The following ATE1 variants were observed in gnomAD, a reference collection of about 807,000 sequenced individuals.
ATE1 encodes the protein arginyltransferase 1, also known as arginyl-tRNA--protein transferase 1.
ATE1 carries 36 observed loss-of-function variants against 70.5 expected under a neutral mutation model. The ratio of observed to expected loss-of-function variants is 0.51; its 90% CI spans 0.39 to 0.67. ATE1 has a LOEUF of 0.67. Among genes scored for constraint, ATE1 ranks in the 30% least tolerant of loss-of-function variants. The pLI is 0.00. For missense variants in ATE1, 593 were observed against 629.5 expected (o/e 0.94, Z 0.62); for synonymous variants, 232 against 219.3 (o/e 1.06, Z -0.51).
intron 8 of ATE1, among the ~76,000 whole-genome samples, chr10:121,866,259 G>A (rs560609802): frequency 6.6e-6 from 1 of 152,246 alleles, no homozygotes; most frequent in Admixed American, 6.5e-5. Context: ...GGCCCCTGTG[G>A]AATTGCAAAC....
At chr10:121,783,573 T>C (rs535847237) in intron 11 of ATE1, among the ~76,000 whole-genome samples, 1 of 152,172 alleles carries the variant, frequency 6.6e-6, no homozygotes, top group Non-Finnish European at 1.5e-5. Context: ...AAACTGAAAA[T>C]TGATGATATC....
At chr10:121,805,568 G>A (rs73362476) in intron 10 of ATE1, among the ~76,000 whole-genome samples, 1,773 of 152,224 alleles carry the variant, frequency 0.012, 34 homozygotes, top group African/African-American at 0.04. Flanking sequence ...TCGTGTCTGA[G>A]AACGAGATCT....
intron 10 of ATE1, among the ~76,000 whole-genome samples, chr10:121,821,296 C>A (rs1002133621): frequency 2.0e-5 from 3 of 152,090 alleles, no homozygotes; most frequent in African/African-American, 4.8e-5. Flanking sequence ...GATAAAGACA[C>A]AAAAGCATTA....
intron 10 of ATE1, among the ~76,000 whole-genome samples, chr10:121,800,250 T>G (rs191753642): frequency 6.6e-6 from 1 of 152,328 alleles, no homozygotes; most frequent in Admixed American, 6.5e-5. Context: ...TTTGTTATTT[T>G]TCTCAGACAA....
rs569148597 is a variant in ATE1, at chr10:121,848,568, A to C, written c.976-7305T>G. On this transcript the variant is annotated intron_variant, in intron 8 of 11. Coordinates refer to ENST00000224652, the MANE Select transcript of ATE1 (RefSeq NM_001001976.3). ...GGAATGCAGAGGCTGCAGTGGGCCA[A>C]GATCACACCATTGCACTCCAGCCTG... Among the ~76,000 whole-genome samples, 49 of 149,750 alleles carry C rather than the reference A, an allele frequency of 3.3e-4. 1 individual carries two copies. The highest frequency in any genetic ancestry group is 6.2e-4 in the Non-Finnish European group (42 of 67,648).
chr10:121,818,256 C>CAA (rs66792557), intron 10 of ATE1, among the ~76,000 whole-genome samples: 28,753 of 63,396 alleles, frequency 0.45, 9,449 homozygotes, highest in South Asian at 0.52. Flanking sequence ...GACTCCATCT[C>CAA]AAAAAAAAAA....
intron 10 of ATE1, among the ~76,000 whole-genome samples, chr10:121,813,888 C>CT (rs775023457): frequency 1.3e-5 from 2 of 152,188 alleles, no homozygotes; most frequent in Non-Finnish European, 2.9e-5. Context: ...CCCAGGGACT[C>CT]TATCTTTGAC....
chr10:121,897,751 G>A (rs1192343090), intron 7 of ATE1, among the ~76,000 whole-genome samples: 3 of 151,708 alleles, frequency 2.0e-5, no homozygotes, highest in South Asian at 2.1e-4. Flanking sequence ...GCTTGAACCC[G>A]GGAGGTGGAG....
At chr10:121,921,948 G>A (rs1951899724) in intron 3 of ATE1, among the ~76,000 whole-genome samples, 3 of 152,120 alleles carry the variant, frequency 2.0e-5, no homozygotes, top group Admixed American at 1.3e-4. Flanking sequence ...TAATTTATAG[G>A]AGCCTGTAGC....
At chr10:121,756,835 G>C (rs1466963836) in intron 11 of ATE1, among the ~76,000 whole-genome samples, 4 of 152,218 alleles carry the variant, frequency 2.6e-5, no homozygotes, top group Admixed American at 1.3e-4. Flanking sequence ...GCCTGTGATG[G>C]GAGGGGCTGC....
intron 10 of ATE1, among the ~76,000 whole-genome samples, chr10:121,816,170 T>A (rs1452794395): frequency 1.3e-5 from 2 of 152,200 alleles, no homozygotes. Context: ...TATTATACAA[T>A]TATACAAAAT....
At chr10:121,782,508 C>A (rs1946036462) in intron 11 of ATE1, 1 of 152,194 alleles carries the variant, frequency 6.6e-6, no homozygotes, top group South Asian at 2.1e-4. Flanking sequence ...TAATTTTCTA[C>A]ATTTATTGCT....
chr10:121,836,965 A>G lies in ATE1; in HGVS notation c.1158-148T>C, dbSNP rs1018023485. On this transcript the variant is annotated intron_variant, in intron 9 of 11. Transcript: ENST00000224652. ...TATTGAAAGAAAAACTACTTTTAAA[A>G]CACTATACAATTTTTACTAAAGAAA... The G allele has an allele frequency of 5.0e-6, 3 of 604,522 alleles. No homozygotes were observed. In the African/African-American group the frequency reaches 5.9e-5, roughly 12 times the overall value. 37.4% of individuals were successfully genotyped at this position (604,522 alleles called of 1,614,324 possible). A position where few individuals can be genotyped will look rare whatever the true frequency, so the allele number is the denominator to read the frequency against.
intron 3 of ATE1, among the ~76,000 whole-genome samples, chr10:121,919,719 G>T (rs1270940998): frequency 6.6e-6 from 1 of 152,108 alleles, no homozygotes; most frequent in Admixed American, 6.5e-5. Context: ...CCAACATGGT[G>T]AAACCCCGTC....
At chr10:121,751,154 T>C (rs1944561718) in intron 11 of ATE1, among the ~76,000 whole-genome samples, 1 of 152,240 alleles carries the variant, frequency 6.6e-6, no homozygotes, top group African/African-American at 2.4e-5. Context: ...ATTACGCATG[T>C]TCATATTCTA....
In ATE1 at chr10:121,743,275, T is replaced by C. The variant is rs1387547494; in HGVS notation, c.*405A>G. 2 of 155,440 alleles carry C rather than the reference T, an allele frequency of 1.3e-5. No homozygotes were observed. Among genetic ancestry groups the C allele is most frequent in the Admixed American group, 1.3e-4 (2 of 15,506 alleles). 9.6% of individuals were successfully genotyped at this position (155,440 alleles called of 1,614,324 possible). On this transcript the variant is annotated 3_prime_UTR_variant, in exon 12 of 12. Transcript: ENST00000224652. ...TACCTTCCCCATACTTAAGGTTTCC[T>C]AGCATAAGTTCAGTTTAAAATGGGC... is the stretch of plus-strand genomic sequence containing the variant.
Position 121,750,709 on chromosome 10 carries a change from T to C in ATE1, c.1379-6851A>G, listed in dbSNP as rs939461663. On this transcript the variant is annotated intron_variant, in intron 11 of 11. Coordinates refer to ENST00000224652, the MANE Select transcript of ATE1 (RefSeq NM_001001976.3). ...CTTTCCAAAAATTAATGAAAGTCTA[T>C]TCTCTTAACTTCATTATTTACTGCT... Among the ~76,000 whole-genome samples, 7 of 152,236 alleles carry C rather than the reference T, an allele frequency of 4.6e-5. No individual in the cohort carries two copies. The East Asian group carries it at 1.2e-3, about 25-fold the overall frequency.
intron 8 of ATE1, 107 bp from the exon 9 acceptor site, chr10:121,841,370 CTT>C (rs576601584): frequency 2.4e-4 from 200 of 830,842 alleles, no homozygotes; most frequent in African/African-American, 1.8e-3. Context: ...TAACTTTCCT[CTT>C]TGTTTCCATC....
chr10:121,832,867 T>C (rs1948298244), intron 10 of ATE1, among the ~76,000 whole-genome samples: 1 of 152,192 alleles, frequency 6.6e-6, no homozygotes, highest in Admixed American at 6.5e-5. Context: ...ATGCCTTTCC[T>C]TTTCCCCAGC....
Sources: gnomAD v4.1 joint callset for allele counts (sites outside exome capture counted in the v4.1 genomes callset) on GRCh38, gnomAD v4.1.1 for gene constraint, MANE v1.5 for transcripts, NCBI Gene and HGNC (gene_info 2026-07-23, HGNC 2026-07-21) for gene names.